NFIB: variants seen among roughly 807,000 people sequenced by gnomAD.
NFIB encodes the protein nuclear factor I B, also known as nuclear factor 1 B-type.
A neutral mutation model predicts 61.5 loss-of-function variants in NFIB; 11 were observed. The ratio of observed to expected loss-of-function variants is 0.18; its 90% CI spans 0.11 to 0.30. NFIB has a LOEUF of 0.30. NFIB is among the 10% of genes least tolerant of loss of function. The pLI is 1.00. For synonymous variants in NFIB, 260 were observed against 216.5 expected, an observed-to-expected ratio of 1.20 and a Z score of -1.76; for missense variants, 471 against 608.9, an observed-to-expected ratio of 0.77 and a Z score of 2.38.
the NFIB span, among the ~76,000 whole-genome samples, chr9:14,430,574 CTATT>C: frequency 0.42 from 63,162 of 150,710 alleles, 13,862 homozygotes; most frequent in African/African-American, 0.54. Context: ...CCCTGAAATG[CTATT>C]TATTTATTTA....
chr9:14,465,686 G>A, the NFIB span, among the ~76,000 whole-genome samples: 1 of 151,934 alleles, frequency 6.6e-6, no homozygotes, highest in African/African-American at 2.4e-5. Flanking sequence ...AAGGTTCTCT[G>A]GTCCTGGGCT....
the NFIB span, among the ~76,000 whole-genome samples, chr9:14,410,693 C>G: frequency 1.3e-5 from 2 of 152,246 alleles, no homozygotes; most frequent in Admixed American, 1.3e-4. Context: ...TTCCTGCTCT[C>G]CTGGGAGCAT....
At chr9:14,205,538 G>T (rs2049591734) in intron 2 of NFIB, among the ~76,000 whole-genome samples, 1 of 151,926 alleles carries the variant, frequency 6.6e-6, no homozygotes, top group South Asian at 2.1e-4. Context: ...ACTGCATAAT[G>T]AGGTCAGTGG....
chr9:14,314,263 C>G, upstream of NFIB: 1 of 632,714 alleles, frequency 1.6e-6, no homozygotes, highest in Non-Finnish European at 2.0e-6. Context: ...GGAAGAGGCT[C>G]GCGGCGCGTG....
At chr9:14,174,394 A>G (rs2045912522) in intron 3 of NFIB, among the ~76,000 whole-genome samples, 1 of 152,154 alleles carries the variant, frequency 6.6e-6, no homozygotes, top group African/African-American at 2.4e-5. Context: ...GAAATAGTGC[A>G]TTTTTCCTCA....
intron 2 of NFIB, among the ~76,000 whole-genome samples, chr9:14,221,250 A>G (rs2051634680): frequency 1.3e-5 from 2 of 152,138 alleles, no homozygotes; most frequent in African/African-American, 2.4e-5. Context: ...AAAGTTTCCT[A>G]TTCCTTGAAT....
intron 6 of NFIB, among the ~76,000 whole-genome samples, chr9:14,132,610 T>C (rs1245240685): frequency 6.6e-6 from 1 of 152,096 alleles, no homozygotes; most frequent in Non-Finnish European, 1.5e-5. Context: ...TCTCACTCTG[T>C]TGCCCAGGCT....
upstream of NFIB, chr9:14,314,171 G>C (rs1462977079): frequency 1.1e-6 from 1 of 913,342 alleles, no homozygotes; most frequent in Non-Finnish European, 1.3e-6. Flanking sequence ...CGCGGGAGAG[G>C]GCCGGGGTGG....
intron 2 of NFIB, among the ~76,000 whole-genome samples, chr9:14,262,439 A>G (rs1387794436): frequency 2.4e-4 from 36 of 152,222 alleles, no homozygotes; most frequent in Admixed American, 2.4e-3. Context: ...ACATGTTCAT[A>G]AAGGCAGCTA....
chr9:14,406,704 C>T, the NFIB span, among the ~76,000 whole-genome samples: 5 of 152,130 alleles, frequency 3.3e-5, no homozygotes, highest in African/African-American at 7.2e-5. Flanking sequence ...ACAGAAGTGA[C>T]GGAGGCTGCT....
At chr9:14,493,386 G>A in the NFIB span, among the ~76,000 whole-genome samples, 2 of 151,944 alleles carry the variant, frequency 1.3e-5, no homozygotes, top group African/African-American at 2.4e-5. Flanking sequence ...CATGCTAAAT[G>A]TAATTTCACA....
At chr9:14,137,301 G>C (rs1394002238) in intron 6 of NFIB, among the ~76,000 whole-genome samples, 1 of 152,168 alleles carries the variant, frequency 6.6e-6, no homozygotes, top group East Asian at 1.9e-4. Context: ...GCATTTGTGA[G>C]AACTGCGCAT....
chr9:14,170,741 G>A (rs1377252279), intron 3 of NFIB, among the ~76,000 whole-genome samples: 1 of 152,148 alleles, frequency 6.6e-6, no homozygotes, highest in African/African-American at 2.4e-5. Flanking sequence ...AGGAATTTAT[G>A]ACTCAGACGT....
At chr9:14,148,796 T>A (rs1348426717) in intron 5 of NFIB, among the ~76,000 whole-genome samples, 1 of 152,232 alleles carries the variant, frequency 6.6e-6, no homozygotes, top group Non-Finnish European at 1.5e-5. Flanking sequence ...GTATTAACGA[T>A]GTAGAAGATG....
chr9:14,522,848 G>A, the NFIB span, among the ~76,000 whole-genome samples: 1 of 152,128 alleles, frequency 6.6e-6, no homozygotes, highest in African/African-American at 2.4e-5. Context: ...TGCTTATCTT[G>A]TAGACACAGC....
At chr9:14,187,295 C>T (rs1417831092) in intron 2 of NFIB, among the ~76,000 whole-genome samples, 1 of 152,028 alleles carries the variant, frequency 6.6e-6, no homozygotes, top group South Asian at 2.1e-4. Flanking sequence ...AAACCCAGTT[C>T]TGAGCAATAA....
chr9:14,476,430 A>C, the NFIB span, among the ~76,000 whole-genome samples: 1 of 152,208 alleles, frequency 6.6e-6, no homozygotes, highest in African/African-American at 2.4e-5. Flanking sequence ...GATGTGAGCC[A>C]GATCAGTGTT....
intron 2 of NFIB, among the ~76,000 whole-genome samples, chr9:14,187,398 AG>A (rs1310123580): frequency 1.1e-4 from 17 of 152,176 alleles, no homozygotes; most frequent in Non-Finnish European, 2.4e-4. Context: ...TACTATTTCA[AG>A]TATGAAGACC....
At chr9:14,439,445 GA>G in the NFIB span, among the ~76,000 whole-genome samples, 1 of 152,200 alleles carries the variant, frequency 6.6e-6, no homozygotes, top group South Asian at 2.1e-4. Context: ...CTAAAAAGGG[GA>G]TAATAATAAT....
Sources: gnomAD v4.1 joint callset for allele counts (sites outside exome capture counted in the v4.1 genomes callset) on GRCh38, gnomAD v4.1.1 for gene constraint, MANE v1.5 for transcripts, NCBI Gene and HGNC (gene_info 2026-07-23, HGNC 2026-07-21) for gene names.